Variants in ABAT observed in about 807,000 individuals in gnomAD.
ABAT encodes 4-aminobutyrate aminotransferase.
ABAT carries 45 observed loss-of-function variants against 64.6 expected under a neutral mutation model. The ratio of observed to expected loss-of-function variants is 0.70; its 90% CI spans 0.55 to 0.89. ABAT has a LOEUF of 0.89. Ranked by LOEUF, ABAT falls within the 40% of genes least tolerant of loss-of-function variation. ABAT has a pLI of 0.00. For synonymous variants in ABAT, 297 were observed against 250.5 expected, an observed-to-expected ratio of 1.19 and a Z score of -1.75; for missense variants, 633 against 658.4, an observed-to-expected ratio of 0.96 and a Z score of 0.42.
intron 8 of ABAT, 52 bp from the exon 9 acceptor site, chr16:8,766,155 GC>G: frequency 6.4e-7 from 1 of 1,561,616 alleles, no homozygotes; most frequent in East Asian, 2.2e-5. Context: ...GAAAGATGAA[GC>G]CCCGACTACC....
chr16:8,689,031 G>T (rs1412776364), intron 1 of ABAT, among the ~76,000 whole-genome samples: 2 of 149,574 alleles, frequency 1.3e-5, no homozygotes, highest in Middle Eastern at 3.4e-3. Context: ...AGTGAGCCGA[G>T]ATTGCACCAC....
chr16:8,699,174 G>T (rs1459747803), intron 1 of ABAT, among the ~76,000 whole-genome samples: 1 of 152,178 alleles, frequency 6.6e-6, no homozygotes, highest in African/African-American at 2.4e-5. Flanking sequence ...TCAAATGTGG[G>T]AAGAGATAGA....
At chr16:8,738,309 T>G (rs936293263) in intron 2 of ABAT, 4 of 421,816 alleles carry the variant, frequency 9.5e-6, no homozygotes, top group African/African-American at 8.2e-5. Flanking sequence ...TGGCCTTGTC[T>G]TAAAATAATA....
chr16:8,697,017 T>A (rs1191558736), intron 1 of ABAT, among the ~76,000 whole-genome samples: 1 of 152,146 alleles, frequency 6.6e-6, no homozygotes, highest in Non-Finnish European at 1.5e-5. Context: ...ACGAGGAGCT[T>A]GCGTGCTGGC....
At chr16:8,723,824 T>C (rs2058449611) in intron 1 of ABAT, among the ~76,000 whole-genome samples, 1 of 56,982 alleles carries the variant, frequency 1.8e-5, no homozygotes, top group Non-Finnish European at 3.5e-5. Context: ...TATATATATA[T>C]ATATTTTTTT....
In ABAT at chr16:8,764,643, G is replaced by A. The variant is rs540234889; in HGVS notation, c.448-95G>A. ...GACAGCCCTGGTTCTGTCTGTCCCC[G>A]GTACGGCCCCTGCGAAGATTCAGCT... On this transcript the variant is annotated intron_variant, in intron 7 of 15. Transcript: ENST00000268251. This position sits in a 1 kb window ranked among gnomAD's most constrained non-coding sequence, Gnocchi z 4.2. 79 of 1,193,266 alleles carry A rather than the reference G, an allele frequency of 6.6e-5. No individual in the cohort carries two copies. The African/African-American group carries it at 7.8e-4, about 12-fold the overall frequency. The allele number at this position is 1,193,266 out of a possible 1,614,324, so 73.9% of individuals were successfully genotyped here.
chr16:8,753,223 A>T (rs896390600), intron 5 of ABAT, among the ~76,000 whole-genome samples: 3 of 151,852 alleles, frequency 2.0e-5, no homozygotes, highest in African/African-American at 7.3e-5. Flanking sequence ...CTTCCCAAGT[A>T]GCTGGGACTA....
At chr16:8,711,722 GGGAA>G (rs371816573) in intron 1 of ABAT, among the ~76,000 whole-genome samples, 15 of 58,456 alleles carry the variant, frequency 2.6e-4, no homozygotes, top group South Asian at 7.8e-4. Context: ...ATGGATGGAT[GGGAA>G]GATGGATGGG....
Position 8,732,288 on chromosome 16 carries a change from A to T in ABAT, c.-41-3411A>T, listed in dbSNP as rs2058749674. ...TCACAGAGGGGGATTTGGCAGGGTC[A>T]TAGGACAATAGTGGAGGGAAGGTCG... On this transcript the variant is annotated intron_variant, in intron 1 of 15. Transcript: ENST00000268251. Among the ~76,000 whole-genome samples, 2 of 144,358 alleles carry T rather than the reference A, an allele frequency of 1.4e-5. 1 individual carries two copies. Among genetic ancestry groups the T allele is most frequent in the African/African-American group, 5.5e-5 (2 of 36,430 alleles). 94.7% of individuals were successfully genotyped at this position (144,358 alleles called of 152,430 possible).
At position 8,781,767 on chromosome 16, in the gene ABAT, G is replaced by C. The variant is rs1159210331; in HGVS notation, c.*337G>C. 3.0e-5 allele frequency: 12 copies of C among 406,754 alleles called. No individual in the cohort carries two copies. The highest frequency in any genetic ancestry group is 5.1e-5 in the Non-Finnish European group (11 of 215,374). The allele number at this position is 406,754 out of a possible 1,614,324, so 25.2% of individuals were successfully genotyped here. ...AGCAATTTTTCCAAAAGCCAGTCAA[G>C]GGCATTACATTTGTTCCTGGGACTG... is the stretch of plus-strand genomic sequence containing the variant. On this transcript the variant is annotated 3_prime_UTR_variant, in exon 16 of 16. Coordinates refer to ENST00000268251, the MANE Select transcript of ABAT (RefSeq NM_020686.6). The surrounding 1 kb of genome is among the most constrained non-coding windows in gnomAD (Gnocchi z 4.5).
intron 1 of ABAT, among the ~76,000 whole-genome samples, chr16:8,676,733 T>C (rs2057211541): frequency 6.6e-6 from 1 of 152,202 alleles, no homozygotes; most frequent in South Asian, 2.1e-4. Flanking sequence ...CTGGGTTTGC[T>C]CCAAGAACTT....
intron 2 of ABAT, chr16:8,738,549 G>A (rs1011501167): frequency 2.5e-5 from 10 of 405,830 alleles, no homozygotes; most frequent in Admixed American, 1.2e-4. Context: ...GACCTGGGTG[G>A]TTTTAAGAAG....
chr16:8,774,973 G>C lies in ABAT; in HGVS notation c.1038G>C (p.Leu346=). ...GKFWAHEHWG[L]DDPADVMTFS... Reference sequence around the variant, plus strand: ...TCTGGGCCCATGAGCACTGGGGCCTGGATGACCCAGCAGACGTGATGACCT... The same window carrying C: ...TCTGGGCCCATGAGCACTGGGGCCTCGATGACCCAGCAGACGTGATGACCT... Residue 346 remains leucine (L), a synonymous_variant, in exon 13 of 16, where the codon CTG becomes CTC. Coordinates refer to ENST00000268251, the MANE Select transcript of ABAT (RefSeq NM_020686.6). 3 of 1,614,188 alleles carry C rather than the reference G, an allele frequency of 1.9e-6. No homozygotes were observed. The highest frequency in any genetic ancestry group is 1.7e-6 in the Non-Finnish European group (2 of 1,180,034).
Position 8,764,784 on chromosome 16 carries a change from C to G in ABAT, c.494C>G (p.Ser165Cys). Reference sequence around the variant, plus strand: ...CAGCTCATCACCATGGCCTGCGGCTCCTGCTCCAATGAAAACGCCTTAAAG... The same window carrying G: ...CAGCTCATCACCATGGCCTGCGGCTGCTGCTCCAATGAAAACGCCTTAAAG... ...MSQLITMACGSCSNENALKTI... is the reference protein window; with the variant it reads ...MSQLITMACGCCSNENALKTI... The change falls in exon 8 of 16, where the codon TCC becomes TGC. Residue 165 changes from serine (S) to cysteine (C), a missense_variant. Coordinates refer to ENST00000268251, the MANE Select transcript of ABAT (RefSeq NM_020686.6). The surrounding 1 kb of genome is among the most constrained non-coding windows in gnomAD (Gnocchi z 4.2). 2 of 1,614,138 alleles carry G rather than the reference C, an allele frequency of 1.2e-6. No homozygotes were observed. Among genetic ancestry groups the G allele is most frequent in the East Asian group, 4.5e-5 (2 of 44,872 alleles).
At chr16:8,722,880 C>G (rs12448693) in intron 1 of ABAT, 1 of 1,288,224 alleles carries the variant, frequency 7.8e-7, no homozygotes, top group Non-Finnish European at 1.0e-6. Context: ...GTGGCAAATT[C>G]TCAGTAATAT....
intron 1 of ABAT, among the ~76,000 whole-genome samples, chr16:8,708,994 C>G (rs924247023): frequency 6.6e-6 from 1 of 152,158 alleles, no homozygotes; most frequent in African/African-American, 2.4e-5. Flanking sequence ...ACCAAGTGCC[C>G]GAAATGGGGC....
chr16:8,704,444 G>T (rs1054053278), intron 1 of ABAT, among the ~76,000 whole-genome samples: 1 of 152,190 alleles, frequency 6.6e-6, no homozygotes, highest in African/African-American at 2.4e-5. Context: ...ATGCTAGAGA[G>T]ACTTCTTTTC....
chr16:8,687,665 T>C (rs1164118678), intron 1 of ABAT, among the ~76,000 whole-genome samples: 1 of 152,150 alleles, frequency 6.6e-6, no homozygotes, highest in Non-Finnish European at 1.5e-5. Context: ...GTGCATCCCC[T>C]GAAAGGCCTG....
At chr16:8,740,267 G>A (rs929405824) in intron 2 of ABAT, among the ~76,000 whole-genome samples, 8 of 152,166 alleles carry the variant, frequency 5.3e-5, no homozygotes, top group African/African-American at 1.9e-4. Flanking sequence ...GGGATCCTAT[G>A]TTTATTATCT....
Sources: gnomAD v4.1 joint callset for allele counts (sites outside exome capture counted in the v4.1 genomes callset) on GRCh38, gnomAD v4.1.1 for gene constraint, Gnocchi (gnomAD v3.1) non-coding constraint, MANE v1.5 for transcripts, NCBI Gene and HGNC (gene_info 2026-07-23, HGNC 2026-07-21) for gene names.